The following CNTN5 variants were observed in gnomAD, a reference collection of about 807,000 sequenced individuals.
The protein encoded by CNTN5 is contactin-5.
A neutral mutation model predicts 129.1 loss-of-function variants in CNTN5; 77 were observed. That is an observed-to-expected ratio of 0.60 (90% CI 0.50 to 0.72). The LOEUF is 0.72. Among genes scored for constraint, CNTN5 ranks in the 30% least tolerant of loss-of-function variants. The pLI is 0.00. For synonymous variants in CNTN5, 509 were observed against 465.6 expected, an observed-to-expected ratio of 1.09 and a Z score of -1.20; for missense variants, 1,478 against 1,328.8, an observed-to-expected ratio of 1.11 and a Z score of -1.75.
At chr11:99,772,244 T>G (rs1293507083) in intron 3 of CNTN5, among the ~76,000 whole-genome samples, 1 of 151,956 alleles carries the variant, frequency 6.6e-6, no homozygotes, top group Non-Finnish European at 1.5e-5. Context: ...TTGACTGTAA[T>G]CAGCTCAAGA....
At chr11:100,209,216 A>G (rs925724284) in intron 15 of CNTN5, among the ~76,000 whole-genome samples, 3 of 152,170 alleles carry the variant, frequency 2.0e-5, no homozygotes, top group Non-Finnish European at 4.4e-5. Context: ...TATCATTTTG[A>G]TACTAAACTA....
In CNTN5 at chr11:99,746,386, T is replaced by G. The variant is rs187662625; in HGVS notation, c.56-73158T>G. ...TCAAATTTCAACTGACAGTAAATGC[T>G]TAGATTTATTTCCAGACTCTCTATT... On this transcript the variant is annotated intron_variant, in intron 3 of 24. Coordinates refer to ENST00000524871, the MANE Select transcript of CNTN5 (RefSeq NM_014361.4). 5.9e-5 allele frequency among the ~76,000 whole-genome samples: 9 copies of G among 152,306 alleles called. No homozygotes were observed. The South Asian group carries it at 1.9e-3, about 32-fold the overall frequency.
At chr11:99,537,901 C>T (rs10790786) in intron 2 of CNTN5, among the ~76,000 whole-genome samples, 37,790 of 152,060 alleles carry the variant, frequency 0.25, 5,177 homozygotes, top group Non-Finnish European at 0.31. Flanking sequence ...GCCTAGAAGA[C>T]TTCATGTTAT....
intron 2 of CNTN5, among the ~76,000 whole-genome samples, chr11:99,487,586 GTTC>G (rs982087613): frequency 4.6e-4 from 70 of 152,176 alleles, no homozygotes; most frequent in African/African-American, 1.6e-3. Flanking sequence ...CTCATGAAGA[GTTC>G]TTCTTATTTC....
At chr11:99,874,377 T>A (rs1337174646) in intron 6 of CNTN5, among the ~76,000 whole-genome samples, 3 of 152,156 alleles carry the variant, frequency 2.0e-5, no homozygotes, top group Non-Finnish European at 1.5e-5. Context: ...GAGCTCAACA[T>A]GTTGCCAGAA....
intron 3 of CNTN5, among the ~76,000 whole-genome samples, chr11:99,805,254 G>A (rs1424841961): frequency 6.6e-5 from 10 of 152,114 alleles, no homozygotes; most frequent in Admixed American, 3.3e-4. Flanking sequence ...CAGTGCTAAT[G>A]GGTATAGAGA....
chr11:99,514,216 AT>A (rs1946955752), intron 2 of CNTN5, among the ~76,000 whole-genome samples: 3 of 152,062 alleles, frequency 2.0e-5, no homozygotes, highest in Non-Finnish European at 4.4e-5. Context: ...CTGCAATCTC[AT>A]GATCAAACTT....
Position 100,289,470 on chromosome 11 carries a change from A to C in CNTN5, c.2315-8155A>C, listed in dbSNP as rs1950896750. On this transcript the variant is annotated intron_variant, in intron 18 of 24. Transcript: ENST00000524871. ...CTGGTTCAATATACGCAAATCAATA[A>C]ATGTAATCCAGCATATAAACAGAGC... Among the ~76,000 whole-genome samples, 4 of 151,812 alleles carry C rather than the reference A, an allele frequency of 2.6e-5. 1 individual carries two copies. Among genetic ancestry groups the C allele is most frequent in the Admixed American group, 2.0e-4 (3 of 15,244 alleles).
intron 9 of CNTN5, among the ~76,000 whole-genome samples, chr11:100,056,066 AT>A (rs1943208238): frequency 6.6e-6 from 1 of 151,682 alleles, no homozygotes; most frequent in South Asian, 2.1e-4. Context: ...AATTTGATGT[AT>A]AACCCAGCCA....
intron 9 of CNTN5, among the ~76,000 whole-genome samples, chr11:100,003,310 C>T (rs1029497267): frequency 2.6e-5 from 4 of 151,986 alleles, no homozygotes; most frequent in Non-Finnish European, 5.9e-5. Flanking sequence ...TCTGAGGAAG[C>T]CTCCTAAACC....
intron 1 of CNTN5, among the ~76,000 whole-genome samples, chr11:99,169,103 T>C (rs1861024317): frequency 6.6e-6 from 1 of 152,168 alleles, no homozygotes; most frequent in Non-Finnish European, 1.5e-5. Context: ...AAATAAAGAC[T>C]GGGAGTAGCA....
chr11:99,856,185 C>A (rs1202582963), intron 6 of CNTN5, among the ~76,000 whole-genome samples: 1 of 152,104 alleles, frequency 6.6e-6, no homozygotes, highest in African/African-American at 2.4e-5. Flanking sequence ...TGTTTTGAGT[C>A]TAATTCAGTA....
chr11:99,695,133 A>C (rs557413704), intron 3 of CNTN5, among the ~76,000 whole-genome samples: 36 of 152,190 alleles, frequency 2.4e-4, no homozygotes, highest in Non-Finnish European at 3.8e-4. Flanking sequence ...ATTAGGTAGA[A>C]GGGTAATAGA....
chr11:100,037,703 G>A (rs1942101626), intron 9 of CNTN5, among the ~76,000 whole-genome samples: 1 of 152,164 alleles, frequency 6.6e-6, no homozygotes, highest in African/African-American at 2.4e-5. Flanking sequence ...TTGGGAGGAT[G>A]TATGTGTTGA....
At chr11:100,027,425 C>G (rs1189307286) in intron 9 of CNTN5, among the ~76,000 whole-genome samples, 1 of 152,162 alleles carries the variant, frequency 6.6e-6, no homozygotes, top group Non-Finnish European at 1.5e-5. Flanking sequence ...TAAGACCTTT[C>G]TTAGTACTCG....
At chr11:99,836,639 A>G (rs1013987493) in intron 4 of CNTN5, among the ~76,000 whole-genome samples, 7 of 152,104 alleles carry the variant, frequency 4.6e-5, no homozygotes, top group African/African-American at 1.2e-4. Flanking sequence ...ATGATTTATA[A>G]TCCTTTGGGT....
At chr11:99,488,404 C>T (rs1054531116) in intron 2 of CNTN5, among the ~76,000 whole-genome samples, 1 of 152,038 alleles carries the variant, frequency 6.6e-6, no homozygotes, top group African/African-American at 2.4e-5. Context: ...AACTCCTGAC[C>T]TCGTGATCTG....
At chr11:100,286,276 C>T (rs1950788392) in intron 18 of CNTN5, among the ~76,000 whole-genome samples, 1 of 152,184 alleles carries the variant, frequency 6.6e-6, no homozygotes, top group Non-Finnish European at 1.5e-5. Context: ...GGCCAGCCTG[C>T]CTCTGTAGGC....
chr11:99,882,253 G>A (rs1445829863), intron 6 of CNTN5, among the ~76,000 whole-genome samples: 2 of 152,188 alleles, frequency 1.3e-5, no homozygotes, highest in African/African-American at 4.8e-5. Context: ...ATACTCTTGT[G>A]AAGCTCTCCT....
Sources: allele counts gnomAD v4.1 joint callset (sites outside exome capture counted in the v4.1 genomes callset), GRCh38; gene constraint gnomAD v4.1.1; transcripts MANE v1.5; gene names NCBI Gene and HGNC (gene_info 2026-07-23, HGNC 2026-07-21).